The following PTPRN2 variants were observed in gnomAD, a reference collection of about 807,000 sequenced individuals.
PTPRN2 encodes the protein receptor-type tyrosine-protein phosphatase N2.
A neutral mutation model predicts 118.8 loss-of-function variants in PTPRN2; 74 were observed. The ratio of observed to expected loss-of-function variants is 0.62; its 90% CI spans 0.52 to 0.76. The LOEUF (loss-of-function observed/expected upper bound fraction) is 0.76, where lower values mean the gene tolerates loss of function less well. Among genes scored for constraint, PTPRN2 ranks in the 30% least tolerant of loss-of-function variants. PTPRN2 has a pLI of 0.00. For synonymous variants in PTPRN2, 641 were observed against 608.0 expected, an observed-to-expected ratio of 1.05 and a Z score of -0.80; for missense variants, 1,481 against 1,394.4, an observed-to-expected ratio of 1.06 and a Z score of -0.99.
At position 157,787,301 on chromosome 7, in the gene PTPRN2, C is replaced by A. The variant is rs1804124651; in HGVS notation, c.1789-104364G>T. ...TCTGGGGTGTCGGGGATCAGGTGAG[C>A]AAGGGGGCTCATCCGTGGCCTCCAG... On this transcript the variant is annotated intron_variant, in intron 12 of 22. Transcript: ENST00000389418. This position sits in a 1 kb window ranked among gnomAD's most constrained non-coding sequence, Gnocchi z 5.3. 6.6e-6 allele frequency among the ~76,000 whole-genome samples: 1 copy of A among 152,148 alleles called. No homozygotes were observed. The highest frequency in any genetic ancestry group is 2.4e-5 in the African/African-American group (1 of 41,444).
At chr7:157,576,513 CG>C in intron 19 of PTPRN2, 99 bp downstream of exon 19, 1 of 1,250,320 alleles carries the variant, frequency 8.0e-7, no homozygotes, top group Non-Finnish European at 1.1e-6. Context: ...GACACAGACG[CG>C]GCCCTCGGCG....
At chr7:158,535,945 A>C (rs999364601) in intron 1 of PTPRN2, among the ~76,000 whole-genome samples, 2 of 148,474 alleles carry the variant, frequency 1.3e-5, no homozygotes, top group African/African-American at 5.0e-5. Context: ...CATACTAGAT[A>C]AGATGAAGAA....
In PTPRN2 at chr7:157,986,013, G is replaced by A. The variant is rs993397262; in HGVS notation, c.1724-87276C>T. Among the ~76,000 whole-genome samples, 54 of 152,184 alleles carry A rather than the reference G, an allele frequency of 3.5e-4. No homozygotes were observed. The highest frequency in any genetic ancestry group is 1.2e-3 in the African/African-American group (51 of 41,434). On this transcript the variant is annotated intron_variant, in intron 11 of 22. Coordinates refer to ENST00000389418, the MANE Select transcript of PTPRN2 (RefSeq NM_002847.5). This position sits in a 1 kb window ranked among gnomAD's most constrained non-coding sequence, Gnocchi z 4.5. ...GAAATGCTTGGGGTTGAAATGTAACGAATCTCTCACTACTGACAAGAGAAA... is the reference window on the plus strand; with the variant it reads ...GAAATGCTTGGGGTTGAAATGTAACAAATCTCTCACTACTGACAAGAGAAA...
intron 21 of PTPRN2, among the ~76,000 whole-genome samples, chr7:157,551,870 G>C (rs950163071): frequency 3.6e-3 from 71 of 19,760 alleles, no homozygotes; most frequent in Admixed American, 9.2e-3. Flanking sequence ...CACCCCATGG[G>C]CACCACGCAC....
chr7:158,566,363 AAAG>A (rs1827674684), intron 1 of PTPRN2, among the ~76,000 whole-genome samples: 4 of 152,000 alleles, frequency 2.6e-5, no homozygotes, highest in Admixed American at 2.6e-4. Context: ...AAAAAAAAAA[AAAG>A]AAGTGGCCAA....
At chr7:157,642,814 CAAAAA>C (rs11335302) in intron 14 of PTPRN2, among the ~76,000 whole-genome samples, 1 of 24,204 alleles carries the variant, frequency 4.1e-5, no homozygotes, top group African/African-American at 1.1e-4. Context: ...CAAGAAACAG[CAAAAA>C]AAAAAAAAAA....
intron 2 of PTPRN2, among the ~76,000 whole-genome samples, chr7:158,424,059 G>C (rs1342210260): frequency 6.6e-6 from 1 of 152,162 alleles, no homozygotes; most frequent in African/African-American, 2.4e-5. Flanking sequence ...AGAGGCAGCC[G>C]TCGGATTCCG....
chr7:157,912,967 G>C (rs989266106), intron 11 of PTPRN2, among the ~76,000 whole-genome samples: 1 of 152,118 alleles, frequency 6.6e-6, no homozygotes, highest in Admixed American at 6.6e-5. Context: ...AGCTTGTCAC[G>C]TTTGTAAATG....
At chr7:157,686,841 G>C (rs1373490532) in intron 12 of PTPRN2, among the ~76,000 whole-genome samples, 1 of 152,146 alleles carries the variant, frequency 6.6e-6, no homozygotes, top group East Asian at 1.9e-4. Flanking sequence ...GAGATGCACA[G>C]ATAGGCACAC....
intron 12 of PTPRN2, among the ~76,000 whole-genome samples, chr7:157,851,009 G>A (rs1474928982): frequency 2.0e-5 from 3 of 152,204 alleles, no homozygotes; most frequent in East Asian, 1.9e-4. Context: ...CGGAATGGGC[G>A]GGCTGTCGAA....
At chr7:158,247,765 C>T (rs1451471735) in intron 3 of PTPRN2, among the ~76,000 whole-genome samples, 2 of 152,140 alleles carry the variant, frequency 1.3e-5, no homozygotes, top group African/African-American at 4.8e-5. Context: ...TACAGGCATG[C>T]ACCACCATGC....
intron 9 of PTPRN2, among the ~76,000 whole-genome samples, chr7:158,123,190 AT>A (rs1367060860): frequency 6.6e-6 from 1 of 152,262 alleles, no homozygotes; most frequent in Admixed American, 6.5e-5. Context: ...ATCCCTGTTC[AT>A]CATTAAAACA....
At chr7:158,137,915 C>A (rs187664940) in intron 7 of PTPRN2, among the ~76,000 whole-genome samples, 194 of 152,248 alleles carry the variant, frequency 1.3e-3, no homozygotes, top group Admixed American at 1.8e-3. Flanking sequence ...CCTCAGAGGA[C>A]CAATGCACGC....
At chr7:158,069,358 T>C (rs1024094344) in intron 11 of PTPRN2, among the ~76,000 whole-genome samples, 1 of 152,174 alleles carries the variant, frequency 6.6e-6, no homozygotes, top group Non-Finnish European at 1.5e-5. Flanking sequence ...ATCACCACGC[T>C]TGGCTAAATT....
chr7:158,112,924 A>G (rs1169155915), intron 9 of PTPRN2, among the ~76,000 whole-genome samples: 1 of 151,934 alleles, frequency 6.6e-6, no homozygotes, highest in Non-Finnish European at 1.5e-5. Flanking sequence ...CTGTACGACC[A>G]GAGGTGTTCA....
At chr7:158,365,650 T>A (rs1563204689) in intron 2 of PTPRN2, among the ~76,000 whole-genome samples, 1 of 143,374 alleles carries the variant, frequency 7.0e-6, no homozygotes, top group African/African-American at 2.9e-5. Context: ...CGCAGCCCAA[T>A]GCACACGCAC....
intron 11 of PTPRN2, among the ~76,000 whole-genome samples, chr7:158,047,940 G>A (rs1379282035): frequency 1.3e-5 from 2 of 152,160 alleles, no homozygotes; most frequent in Non-Finnish European, 2.9e-5. Flanking sequence ...GGAGTACCGA[G>A]CACATGGAAC....
At chr7:158,321,412 C>G (rs1324091068) in intron 2 of PTPRN2, among the ~76,000 whole-genome samples, 1 of 152,204 alleles carries the variant, frequency 6.6e-6, no homozygotes, top group Non-Finnish European at 1.5e-5. Flanking sequence ...CTACTTCGGA[C>G]TCTGTTTCCT....
chr7:157,556,321 A>C (rs1226213479), intron 21 of PTPRN2, among the ~76,000 whole-genome samples: 1 of 132,526 alleles, frequency 7.5e-6, no homozygotes, highest in African/African-American at 3.0e-5. Context: ...CAACACACAC[A>C]CCCACACTCA....
Sources: gnomAD v4.1 joint callset for allele counts (sites outside exome capture counted in the v4.1 genomes callset) on GRCh38, gnomAD v4.1.1 for gene constraint, Gnocchi (gnomAD v3.1) non-coding constraint, MANE v1.5 for transcripts, NCBI Gene and HGNC (gene_info 2026-07-23, HGNC 2026-07-21) for gene names.